THSD7B: variants seen among roughly 807,000 people sequenced by gnomAD.
THSD7B encodes thrombospondin type 1 domain containing 7B.
Under a neutral mutation model 213.6 loss-of-function variants are expected in THSD7B, and 138 were observed. That is an observed-to-expected ratio of 0.65 (90% CI 0.56 to 0.74). The LOEUF (loss-of-function observed/expected upper bound fraction) is 0.74. THSD7B is among the 30% of genes least tolerant of loss of function. The probability of loss-of-function intolerance (pLI) is 0.00; values close to 1 mark genes in which losing one functional copy is unlikely to be tolerated. For missense variants in THSD7B, 1,931 were observed against 1,991.5 expected, an observed-to-expected ratio of 0.97 and a Z score of 0.58; for synonymous variants, 742 against 687.0, an observed-to-expected ratio of 1.08 and a Z score of -1.25.
intron 10 of THSD7B, among the ~76,000 whole-genome samples, chr2:137,253,077 T>A (rs1239615705): frequency 6.6e-6 from 1 of 152,094 alleles, no homozygotes; most frequent in African/African-American, 2.4e-5. Context: ...AGGTACTCAC[T>A]CTGAGTATGA....
intron 1 of THSD7B, among the ~76,000 whole-genome samples, chr2:136,876,663 T>G (rs1281785226): frequency 2.0e-5 from 3 of 152,236 alleles, no homozygotes; most frequent in Admixed American, 2.0e-4. Context: ...AAGTGTGAAA[T>G]ATCTATAATC....
chr2:137,510,590 C>G (rs772022376), intron 15 of THSD7B, among the ~76,000 whole-genome samples: 6 of 152,084 alleles, frequency 3.9e-5, no homozygotes, highest in Non-Finnish European at 8.8e-5. Context: ...GATAAGTTAG[C>G]ATTTGTGTTA....
chr2:136,868,120 G>A lies in THSD7B; in HGVS notation c.-35-14024G>A, dbSNP rs915084934. ...CCACACCACACACACACACGCGCGC[G>A]CACACACACACACACACACACATCC... On this transcript the variant is annotated intron_variant, in intron 1 of 27. Coordinates refer to ENST00000409968, the MANE Select transcript of THSD7B (RefSeq NM_001316349.2). 4.0e-3 allele frequency among the ~76,000 whole-genome samples: 604 copies of A among 149,248 alleles called. 2 individuals are homozygous for A. The highest frequency in any genetic ancestry group is 6.2e-3 in the Non-Finnish European group (413 of 67,126).
intron 15 of THSD7B, among the ~76,000 whole-genome samples, chr2:137,512,485 A>G (rs1293082140): frequency 7.3e-6 from 1 of 136,086 alleles, no homozygotes; most frequent in Non-Finnish European, 1.5e-5. Context: ...TTGACCTCCC[A>G]GGCTCAAGGG....
At chr2:137,004,856 A>G (rs1471902884) in intron 2 of THSD7B, among the ~76,000 whole-genome samples, 1 of 152,158 alleles carries the variant, frequency 6.6e-6, no homozygotes, top group Non-Finnish European at 1.5e-5. Flanking sequence ...TTTACTGTAA[A>G]ATATATTTTA....
At chr2:137,488,233 T>C (rs920007381) in intron 15 of THSD7B, among the ~76,000 whole-genome samples, 53 of 152,306 alleles carry the variant, frequency 3.5e-4, no homozygotes, top group African/African-American at 1.3e-3. Context: ...AACTCATTTC[T>C]AACACTTAAA....
At chr2:137,252,278 A>C (rs200973403) in intron 10 of THSD7B, among the ~76,000 whole-genome samples, 41 of 150,282 alleles carry the variant, frequency 2.7e-4, no homozygotes, top group Middle Eastern at 3.5e-3. Flanking sequence ...AAAAAAAAAA[A>C]AAAAAAAAAA....
rs140205509 is a variant in THSD7B, at chr2:137,379,460, C to G, written c.2501-26153C>G. Among the ~76,000 whole-genome samples, 312 of 152,300 alleles carry G rather than the reference C, an allele frequency of 2.0e-3. 1 individual carries two copies. Among genetic ancestry groups the G allele is most frequent in the Non-Finnish European group, 1.9e-3 (132 of 68,024 alleles). The stretch of plus-strand genomic sequence containing the variant: ...ATGTCAGCATGTAATCATAAGTACA[C>G]ACTTTCCTCAAACATTGGTTTTGAA... On this transcript the variant is annotated intron_variant, in intron 12 of 27. Transcript: ENST00000409968.
chr2:137,504,678 G>A (rs1679793074), intron 15 of THSD7B, among the ~76,000 whole-genome samples: 1 of 152,176 alleles, frequency 6.6e-6, no homozygotes, highest in Non-Finnish European at 1.5e-5. Flanking sequence ...ACATCTACCT[G>A]AATTTAATGT....
At chr2:137,062,999 T>C (rs1211796241) in intron 3 of THSD7B, among the ~76,000 whole-genome samples, 1 of 151,908 alleles carries the variant, frequency 6.6e-6, no homozygotes, top group Non-Finnish European at 1.5e-5. Context: ...ATAATACATA[T>C]TAATGACTGC....
At chr2:137,455,830 T>C (rs1027423126) in intron 15 of THSD7B, among the ~76,000 whole-genome samples, 4 of 152,206 alleles carry the variant, frequency 2.6e-5, no homozygotes, top group African/African-American at 7.2e-5. Context: ...GCACTGTACA[T>C]TTTTTGCTAC....
At chr2:137,055,709 A>C (rs1228909129) in intron 2 of THSD7B, among the ~76,000 whole-genome samples, 2 of 152,212 alleles carry the variant, frequency 1.3e-5, no homozygotes, top group Non-Finnish European at 2.9e-5. Context: ...AATCAAAATG[A>C]GTACACTTCA....
intron 7 of THSD7B, among the ~76,000 whole-genome samples, chr2:137,196,789 G>C (rs924702775): frequency 6.6e-6 from 1 of 152,106 alleles, no homozygotes; most frequent in African/African-American, 2.4e-5. Context: ...CTTGGATTCT[G>C]TCACGAAGAT....
intron 6 of THSD7B, among the ~76,000 whole-genome samples, chr2:137,166,187 T>C (rs920519741): frequency 6.6e-6 from 1 of 152,092 alleles, no homozygotes; most frequent in Non-Finnish European, 1.5e-5. Flanking sequence ...AAGGGAACCA[T>C]GATCGGCAGG....
chr2:137,298,146 A>T (rs1042134174), intron 12 of THSD7B, among the ~76,000 whole-genome samples: 3 of 152,126 alleles, frequency 2.0e-5, no homozygotes. Context: ...GGCCAGGCTG[A>T]GGTGGTCTCA....
chr2:136,785,091 T>A (rs931264777), intron 1 of THSD7B, among the ~76,000 whole-genome samples: 48 of 151,996 alleles, frequency 3.2e-4, no homozygotes, highest in Admixed American at 1.4e-3. Context: ...CCCGCAGGAG[T>A]CTGCCATGAT....
At chr2:137,647,897 C>G (rs1683066520) in intron 21 of THSD7B, among the ~76,000 whole-genome samples, 1 of 152,218 alleles carries the variant, frequency 6.6e-6, no homozygotes, top group Non-Finnish European at 1.5e-5. Context: ...TACCTCTACT[C>G]TAGTCATACT....
intron 2 of THSD7B, among the ~76,000 whole-genome samples, chr2:137,039,107 C>T (rs1349821000): frequency 6.6e-6 from 1 of 152,176 alleles, no homozygotes; most frequent in East Asian, 1.9e-4. Flanking sequence ...AGAAGTTGAA[C>T]TTGGCCTGCT....
intron 15 of THSD7B, among the ~76,000 whole-genome samples, chr2:137,486,684 A>C (rs1199978868): frequency 6.6e-6 from 1 of 152,040 alleles, no homozygotes; most frequent in Non-Finnish European, 1.5e-5. Context: ...AATCAACAGA[A>C]TATACATTTT....
Sources: gnomAD v4.1 joint callset for allele counts (sites outside exome capture counted in the v4.1 genomes callset) on GRCh38, gnomAD v4.1.1 for gene constraint, MANE v1.5 for transcripts, NCBI Gene and HGNC (gene_info 2026-07-23, HGNC 2026-07-21) for gene names.